Variants in CNTNAP2 observed in about 807,000 individuals in gnomAD.
The protein encoded by CNTNAP2 is contactin-associated protein-like 2.
CNTNAP2 carries 98 observed loss-of-function variants against 155.2 expected under a neutral mutation model. That is an observed-to-expected ratio of 0.63 (90% CI 0.54 to 0.75). The LOEUF (loss-of-function observed/expected upper bound fraction) is 0.75, where lower values mean the gene tolerates loss of function less well. CNTNAP2 is among the 30% of genes least tolerant of loss of function. The pLI, the probability that CNTNAP2 is intolerant of heterozygous loss-of-function variation, is 0.00. For missense variants in CNTNAP2, 1,727 were observed against 1,688.1 expected, an observed-to-expected ratio of 1.02 and a Z score of -0.40; for synonymous variants, 651 against 631.2, an observed-to-expected ratio of 1.03 and a Z score of -0.47.
chr7:146,911,445 G>T (rs889044750), intron 3 of CNTNAP2, among the ~76,000 whole-genome samples: 1 of 151,926 alleles, frequency 6.6e-6, no homozygotes, highest in South Asian at 2.1e-4. Flanking sequence ...AGAAAATGTG[G>T]CACATATACA....
chr7:146,131,719 C>T (rs1324454560), intron 1 of CNTNAP2, among the ~76,000 whole-genome samples: 4 of 152,106 alleles, frequency 2.6e-5, no homozygotes, highest in African/African-American at 9.7e-5. Context: ...AAACAATAAC[C>T]AGCAAGTACT....
chr7:146,433,217 C>T (rs573147732), intron 1 of CNTNAP2, among the ~76,000 whole-genome samples: 1 of 152,214 alleles, frequency 6.6e-6, no homozygotes, highest in South Asian at 2.1e-4. Context: ...TACAGGTGAT[C>T]CCTGGGGCCT....
At chr7:148,361,878 G>A (rs1025291930) in intron 21 of CNTNAP2, among the ~76,000 whole-genome samples, 1 of 152,142 alleles carries the variant, frequency 6.6e-6, no homozygotes, top group Admixed American at 6.5e-5. Flanking sequence ...TGCCAGCAGG[G>A]GAAATGCCAG....
intron 3 of CNTNAP2, among the ~76,000 whole-genome samples, chr7:146,932,205 T>C (rs951505036): frequency 6.6e-6 from 1 of 152,176 alleles, no homozygotes; most frequent in African/African-American, 2.4e-5. Flanking sequence ...ATTGGCAAAC[T>C]GAATCCAGCA....
chr7:147,013,742 C>T (rs553261362), intron 3 of CNTNAP2, among the ~76,000 whole-genome samples: 1 of 152,012 alleles, frequency 6.6e-6, no homozygotes, highest in Non-Finnish European at 1.5e-5. Context: ...ATTTTCTTAC[C>T]GTTTAACTCT....
intron 1 of CNTNAP2, among the ~76,000 whole-genome samples, chr7:146,210,859 CAT>C: frequency 6.7e-6 from 1 of 150,140 alleles, no homozygotes; most frequent in African/African-American, 2.5e-5. Flanking sequence ...TTCGTGGTCA[CAT>C]GTGTCTAACC....
At chr7:147,966,458 G>C (rs751261549) in intron 14 of CNTNAP2, among the ~76,000 whole-genome samples, 9 of 152,004 alleles carry the variant, frequency 5.9e-5, no homozygotes, top group Non-Finnish European at 1.0e-4. Flanking sequence ...ATAAAGATTT[G>C]ATTTATAAAA....
chr7:147,310,707 T>C (rs986530495), intron 9 of CNTNAP2, among the ~76,000 whole-genome samples: 1 of 151,186 alleles, frequency 6.6e-6, no homozygotes, highest in Non-Finnish European at 1.5e-5. Flanking sequence ...AATGTATCCT[T>C]CATGTTTCAT....
chr7:146,589,608 G>A (rs1798749629), intron 1 of CNTNAP2, among the ~76,000 whole-genome samples: 1 of 152,028 alleles, frequency 6.6e-6, no homozygotes, highest in Admixed American at 6.6e-5. Flanking sequence ...GGGGTTTGGG[G>A]GATAGGGGAG....
intron 15 of CNTNAP2, among the ~76,000 whole-genome samples, chr7:148,069,709 A>G (rs1803344734): frequency 6.6e-6 from 1 of 151,068 alleles, no homozygotes; most frequent in Non-Finnish European, 1.5e-5. Flanking sequence ...GCAGTGAGCC[A>G]AGATTGCGCC....
chr7:147,891,237 C>T (rs889849303), intron 13 of CNTNAP2, among the ~76,000 whole-genome samples: 1 of 150,148 alleles, frequency 6.7e-6, no homozygotes, highest in African/African-American at 2.5e-5. Flanking sequence ...CGGAGTCTCA[C>T]TCTGTCGCCC....
intron 13 of CNTNAP2, among the ~76,000 whole-genome samples, chr7:147,710,110 C>T (rs1427002955): frequency 2.0e-5 from 3 of 152,098 alleles, no homozygotes; most frequent in East Asian, 3.9e-4. Flanking sequence ...AGCTGGCATC[C>T]TACAAAACAC....
chr7:147,581,616 T>C (rs1313544269), intron 12 of CNTNAP2, among the ~76,000 whole-genome samples: 1 of 152,190 alleles, frequency 6.6e-6, no homozygotes, highest in South Asian at 2.1e-4. Context: ...AGTAAGTGTA[T>C]AGGATTTCTT....
intron 1 of CNTNAP2, among the ~76,000 whole-genome samples, chr7:146,258,767 A>C (rs1219303050): frequency 6.6e-6 from 1 of 152,090 alleles, no homozygotes; most frequent in Non-Finnish European, 1.5e-5. Flanking sequence ...CGTCACTGCT[A>C]CTCTCTTTTG....
intron 14 of CNTNAP2, among the ~76,000 whole-genome samples, chr7:147,965,668 G>A (rs1204294531): frequency 2.0e-5 from 3 of 151,814 alleles, no homozygotes; most frequent in Admixed American, 2.0e-4. Context: ...AATTCTTTTG[G>A]TTCCTTCAGA....
intron 1 of CNTNAP2, among the ~76,000 whole-genome samples, chr7:146,445,429 T>TAATAGAATATAATAGAA: frequency 6.6e-6 from 1 of 152,292 alleles, no homozygotes; most frequent in Non-Finnish European, 1.5e-5. Context: ...CAGAATACCT[T>TAATAGAATATAATAGAA]ATATAATAGA....
chr7:146,599,520 AT>A (rs1444199738), intron 1 of CNTNAP2, among the ~76,000 whole-genome samples: 7 of 152,118 alleles, frequency 4.6e-5, no homozygotes, highest in Non-Finnish European at 2.9e-5. Context: ...CTATACCTAA[AT>A]ATATCCACCA....
chr7:146,726,903 A>G (rs1019129844), intron 1 of CNTNAP2, among the ~76,000 whole-genome samples: 2 of 152,118 alleles, frequency 1.3e-5, no homozygotes, highest in African/African-American at 4.8e-5. Flanking sequence ...TTTCCTCTCC[A>G]TTTTTAAAAA....
chr7:146,460,187 G>T (rs559555717), intron 1 of CNTNAP2, among the ~76,000 whole-genome samples: 19 of 152,240 alleles, frequency 1.2e-4, no homozygotes, highest in African/African-American at 4.6e-4. Flanking sequence ...GAAATTGTCA[G>T]GAGAATGAAG....
Sources: allele counts gnomAD v4.1 joint callset (sites outside exome capture counted in the v4.1 genomes callset), GRCh38; gene constraint gnomAD v4.1.1; transcripts MANE v1.5; gene names NCBI Gene and HGNC (gene_info 2026-07-23, HGNC 2026-07-21).